SEC23IP: variants seen among roughly 807,000 people sequenced by gnomAD.
The protein encoded by SEC23IP is SEC23 interacting protein, also known as SEC23-interacting protein.
A neutral mutation model predicts 113.4 loss-of-function variants in SEC23IP; 70 were observed. That is an observed-to-expected ratio of 0.62 (90% confidence interval 0.51 to 0.75). The LOEUF (loss-of-function observed/expected upper bound fraction) is 0.75, where lower values mean the gene tolerates loss of function less well. Ranked by LOEUF, SEC23IP falls within the 30% of genes least tolerant of loss-of-function variation. The pLI is 0.00. For missense variants in SEC23IP, 1,160 were observed against 1,204.9 expected, an observed-to-expected ratio of 0.96 and a Z score of 0.55; for synonymous variants, 398 against 421.0, an observed-to-expected ratio of 0.95 and a Z score of 0.67.
chr10:119,906,907 C>G (rs963580165), intron 4 of SEC23IP, among the ~76,000 whole-genome samples: 6 of 151,156 alleles, frequency 4.0e-5, no homozygotes, highest in African/African-American at 1.5e-4. Flanking sequence ...TGAAAGTTTT[C>G]TTTCTTTAAT....
intron 18 of SEC23IP, among the ~76,000 whole-genome samples, chr10:119,936,898 T>C (rs1320204327): frequency 6.6e-6 from 1 of 151,576 alleles, no homozygotes; most frequent in Non-Finnish European, 1.5e-5. Flanking sequence ...TTTTATTTTA[T>C]TTTTTTTAAG....
At chr10:119,929,538 A>T in intron 13 of SEC23IP, 69 bp from the exon 14 acceptor site, 1 of 1,433,884 alleles carries the variant, frequency 7.0e-7, no homozygotes, top group Non-Finnish European at 9.7e-7. Flanking sequence ...CCGGCCTGAA[A>T]ATTCAAAAGA....
chr10:119,917,811 G>T (rs780233594), intron 8 of SEC23IP, 25 bp from the exon 9 acceptor site: 103 of 1,562,720 alleles, frequency 6.6e-5, no homozygotes, highest in Non-Finnish European at 8.5e-5. Flanking sequence ...CTGACTGAAT[G>T]TGCTGTATTT....
intron 4 of SEC23IP, among the ~76,000 whole-genome samples, chr10:119,907,041 T>G (rs752632896): frequency 7.6e-4 from 115 of 151,910 alleles, no homozygotes; most frequent in Admixed American, 3.7e-3. Context: ...CTCACGCCTG[T>G]AATCCCAGCA....
chr10:119,920,084 A>C (rs1564918007), intron 11 of SEC23IP, among the ~76,000 whole-genome samples: 2 of 152,220 alleles, frequency 1.3e-5, no homozygotes, highest in African/African-American at 4.8e-5. Flanking sequence ...AGTTTGAAAA[A>C]ATAGGAAGTT....
intron 1 of SEC23IP, among the ~76,000 whole-genome samples, chr10:119,897,999 C>T (rs1244041440): frequency 5.7e-5 from 8 of 140,174 alleles, no homozygotes; most frequent in Admixed American, 4.3e-4. Flanking sequence ...AGCGAGACGC[C>T]GTCTCAAAAA....
chr10:119,934,815 A>G (rs1485279912), intron 18 of SEC23IP, among the ~76,000 whole-genome samples: 1 of 152,204 alleles, frequency 6.6e-6, no homozygotes, highest in Non-Finnish European at 1.5e-5. Flanking sequence ...TCCATTTCCA[A>G]AATTAAACTT....
At chr10:119,929,898 C>T (rs541546417) in intron 14 of SEC23IP, 136 bp downstream of exon 14, 1 of 590,080 alleles carries the variant, frequency 1.7e-6, no homozygotes, top group Admixed American at 3.2e-5. Context: ...ATCCTTCCAT[C>T]ACAGCCTCCC....
In SEC23IP at chr10:119,914,651, G is replaced by A. The variant is rs139341296; in HGVS notation, c.1313-79G>A. On this transcript the variant is annotated intron_variant, in intron 6 of 18. Coordinates refer to ENST00000369075, the MANE Select transcript of SEC23IP (RefSeq NM_007190.4). ...TTTGGCAAGTTTGTGATGACGAAAG[G>A]GATATCTAGAATATTGCCATTAGGA... 437 of 1,112,248 alleles carry A rather than the reference G, an allele frequency of 3.9e-4. 3 individuals are homozygous for A. In the East Asian group the frequency reaches 9.4e-3, roughly 24 times the overall value. The allele number at this position is 1,112,248 out of a possible 1,614,324, so 68.9% of individuals were successfully genotyped here.
At chr10:119,920,827 A>C (rs1855229830) in intron 11 of SEC23IP, 62 bp from the exon 12 acceptor site, 3 of 1,131,570 alleles carry the variant, frequency 2.7e-6, no homozygotes, top group Non-Finnish European at 2.6e-6. Flanking sequence ...TAATTTTCAT[A>C]TTCTCATTTC....
At position 119,920,892 on chromosome 10, in the gene SEC23IP, A is replaced by G. The variant is rs1477899283; in HGVS notation, c.2029A>G (p.Met677Val). The G allele has an allele frequency of 1.2e-6, 2 of 1,602,794 alleles. No individual in the cohort carries two copies. Among genetic ancestry groups the G allele is most frequent in the Non-Finnish European group, 1.7e-6 (2 of 1,170,342 alleles). ...GCTTGTCTGTTTCCTTTTAAAGCTT[A>G]TGTGTACAGTTGATGACCTGAAGGA... ...KEKIDMESLL[M>V]CTVDDLKEMG... The change falls in exon 12 of 19, where the codon ATG becomes GTG. Residue 677 changes from methionine to valine, a missense_variant. Met to Val is a conservative substitution (Grantham distance 21, BLOSUM62 1). Transcript: ENST00000369075.
intron 1 of SEC23IP, among the ~76,000 whole-genome samples, chr10:119,893,182 A>T (rs34042360): frequency 0.055 from 8,324 of 152,230 alleles, 425 homozygotes; most frequent in South Asian, 0.27. Context: ...CTGGACATTC[A>T]TTCGTACCCT....
chr10:119,903,880 C>T (rs1854574503), intron 3 of SEC23IP, among the ~76,000 whole-genome samples: 1 of 152,142 alleles, frequency 6.6e-6, no homozygotes, highest in African/African-American at 2.4e-5. Flanking sequence ...GCCACCACGC[C>T]TGGCTAATTG....
Position 119,936,385 on chromosome 10 carries a change from C to T in SEC23IP, c.*20+2598C>T, listed in dbSNP as rs541894536. Among the ~76,000 whole-genome samples, 70 of 151,658 alleles carry T rather than the reference C, an allele frequency of 4.6e-4. 1 individual carries two copies. In the South Asian group the frequency reaches 7.5e-3, roughly 16 times the overall value. ...CAGCCTGGCCAACATAGTGAAACCC[C>T]GTCTCTACTAAAAATACAGAAAAAT... On this transcript the variant is annotated intron_variant, in intron 18 of 18. Transcript: ENST00000369075.
At chr10:119,940,205 T>TTTA in intron 18 of SEC23IP, among the ~76,000 whole-genome samples, 1 of 143,848 alleles carries the variant, frequency 7.0e-6, no homozygotes, top group Non-Finnish European at 1.5e-5. Context: ...TTTTTTTTTT[T>TTTA]GAGATGGAGT....
chr10:119,894,946 A>C (rs1227394851), intron 1 of SEC23IP, among the ~76,000 whole-genome samples: 2 of 151,172 alleles, frequency 1.3e-5, no homozygotes, highest in South Asian at 4.2e-4. Context: ...GAATATTAAT[A>C]ATTTTAGAAC....
Position 119,943,428 on chromosome 10 carries a change from T to TA in SEC23IP, c.*2868dup, listed in dbSNP as rs1230545801. Reference sequence around the variant, plus strand: ...CTCAGGGGGTTAACCCCATCTCTACTAAAAATAAAAAAAATTAGCTGGGCA... The same window carrying TA: ...CTCAGGGGGTTAACCCCATCTCTACTAAAAAATAAAAAAAATTAGCTGGGCA... On this transcript the variant is annotated 3_prime_UTR_variant, in exon 19 of 19. Coordinates refer to ENST00000369075, the MANE Select transcript of SEC23IP (RefSeq NM_007190.4). The TA allele has an allele frequency of 3.3e-5, 5 of 152,184 alleles. No individual in the cohort carries two copies. Among genetic ancestry groups the TA allele is most frequent in the African/African-American group, 1.2e-4 (5 of 41,522 alleles). 9.4% of individuals were successfully genotyped at this position (152,184 alleles called of 1,614,324 possible). A position where few individuals can be genotyped will look rare whatever the true frequency, so the allele number is the denominator to read the frequency against.
At position 119,912,028 on chromosome 10, in the gene SEC23IP, C is replaced by T; in HGVS notation, c.1192-16C>T. The T allele has an allele frequency of 6.2e-7, 1 of 1,613,318 alleles. No homozygotes were observed. The highest frequency in any genetic ancestry group is 8.5e-7 in the Non-Finnish European group (1 of 1,179,638). Reference sequence around the variant, plus strand: ...TTTGTTAATGAGCTTTGTCATAATTCTGTTGCATCTTGAAGGTTATTGTTC... The same window carrying T: ...TTTGTTAATGAGCTTTGTCATAATTTTGTTGCATCTTGAAGGTTATTGTTC... On this transcript the variant is annotated splice_polypyrimidine_tract_variant and intron_variant, in intron 5 of 18. Transcript: ENST00000369075.
chr10:119,930,597 C>T (rs370260563), intron 15 of SEC23IP, among the ~76,000 whole-genome samples, 166 bp downstream of exon 15: 6 of 152,218 alleles, frequency 3.9e-5, no homozygotes, highest in African/African-American at 1.2e-4. Context: ...AACAAAATTA[C>T]AAATGAATTA....
Sources: allele counts gnomAD v4.1 joint callset (sites outside exome capture counted in the v4.1 genomes callset), GRCh38; gene constraint gnomAD v4.1.1; transcripts MANE v1.5; gene names NCBI Gene and HGNC (gene_info 2026-07-23, HGNC 2026-07-21).